The following SEC23A variants were observed in gnomAD, a reference collection of about 807,000 sequenced individuals.
SEC23A encodes protein transport protein Sec23A.
In SEC23A, 56 loss-of-function variants were observed where a neutral mutation model predicts 103.7. The observed-to-expected ratio is 0.54, with a 90% CI of 0.44 to 0.67. The LOEUF (loss-of-function observed/expected upper bound fraction) is 0.67. Among genes scored for constraint, SEC23A ranks in the 30% least tolerant of loss-of-function variants. The pLI is 0.00. For missense variants in SEC23A, 784 were observed against 936.4 expected (o/e 0.84, Z 2.12); for synonymous variants, 281 against 293.0 (o/e 0.96, Z 0.42).
chr14:39,056,217 A>T (rs1594449363), intron 13 of SEC23A, among the ~76,000 whole-genome samples: 2 of 152,334 alleles, frequency 1.3e-5, no homozygotes, highest in East Asian at 3.9e-4. Context: ...TTCAGGGCCC[A>T]GTCTTCGGAT....
intron 13 of SEC23A, among the ~76,000 whole-genome samples, chr14:39,059,300 A>AAAAAAAAAC (rs1566491577): frequency 0.011 from 1,152 of 100,766 alleles, 25 homozygotes; most frequent in South Asian, 0.016. Context: ...AAAAAAAAAA[A>AAAAAAAAAC]AAAAAAAAAA....
At chr14:39,087,447 CAA>C (rs1367302796) in intron 5 of SEC23A, 1 of 189,426 alleles carries the variant, frequency 5.3e-6, no homozygotes, top group African/African-American at 2.4e-5. Flanking sequence ...ATAAATTAAT[CAA>C]ATCAACAGAT....
At chr14:39,049,773 CTG>C (rs897475417) in intron 14 of SEC23A, among the ~76,000 whole-genome samples, 2 of 146,532 alleles carry the variant, frequency 1.4e-5, no homozygotes, top group African/African-American at 5.1e-5. Flanking sequence ...GAGCGAGATT[CTG>C]TCTCGAAAAA....
chr14:39,094,428 ATATATATATATATATTTTTTT>A lies in SEC23A; in HGVS notation c.222-1205_222-1185del, dbSNP rs1566515180. Among the ~76,000 whole-genome samples, 335 of 46,650 alleles carry A rather than the reference ATATATATATATATATTTTTTT, an allele frequency of 7.2e-3. 62 individuals carry two copies. The highest frequency in any genetic ancestry group is 0.051 in the African/African-American group (311 of 6,056). 30.6% of individuals were successfully genotyped at this position (46,650 alleles called of 152,430 possible). On this transcript the variant is annotated intron_variant, in intron 2 of 19. Transcript: ENST00000307712. The stretch of plus-strand genomic sequence containing the variant: ...TATATATATATATATATATATATAT[ATATATATATATATATTTTTTT>A]TTTTTTTTTTTCCCCTCCTGTAGAA...
chr14:39,048,669 A>C lies in SEC23A; in HGVS notation c.1720T>G (p.Phe574Val). The C allele has an allele frequency of 6.3e-7, 1 of 1,596,004 alleles. No individual in the cohort carries two copies. Among genetic ancestry groups the C allele is most frequent in the African/African-American group, 1.3e-5 (1 of 74,820 alleles). ...CTACTTACCTGTGGATAAAGGGAGA[A>C]AGTTTCTGAAAATCTGAAGGAACTT... ...DPSSFRFSETFSLYPQFMFHL... is the reference protein window; with the variant it reads ...DPSSFRFSETVSLYPQFMFHL... The change falls in exon 15 of 20, where the codon TTC becomes GTC. Residue 574 changes from phenylalanine to valine, a missense_variant. Phe to Val is a conservative substitution (Grantham distance 50). Coordinates refer to ENST00000307712, the MANE Select transcript of SEC23A (RefSeq NM_006364.4).
At chr14:39,039,436 A>G in intron 18 of SEC23A, 1 of 246,506 alleles carries the variant, frequency 4.1e-6, no homozygotes, top group Non-Finnish European at 7.7e-6. Context: ...CCAAATAATG[A>G]TAAAAACAAA....
rs1301399562 is a variant in SEC23A at position 39,085,687 on chromosome 14, TATACAC to T, written c.828+69_828+74del. 1.1e-3 allele frequency: 1,291 copies of T among 1,179,256 alleles called. 18 individuals carry two copies. The African/African-American group carries it at 0.022, about 20-fold the overall frequency. The allele number at this position is 1,179,256 out of a possible 1,614,324, so 73.0% of individuals were successfully genotyped here. ...GGTTCTTCTTATCCTTATAATTATATATACACACACACACACACACACACACACACA... is the reference window on the plus strand; with the variant it reads ...GGTTCTTCTTATCCTTATAATTATATACACACACACACACACACACACACA... On this transcript the variant is annotated intron_variant, in intron 7 of 19. Coordinates refer to ENST00000307712, the MANE Select transcript of SEC23A (RefSeq NM_006364.4).
At chr14:39,045,832 A>G (rs918378852) in intron 15 of SEC23A, among the ~76,000 whole-genome samples, 2 of 152,178 alleles carry the variant, frequency 1.3e-5, no homozygotes, top group African/African-American at 4.8e-5. Flanking sequence ...CATTACCAAC[A>G]CCAAAGATTC....
intron 14 of SEC23A, among the ~76,000 whole-genome samples, chr14:39,049,709 T>C (rs576010018): frequency 6.6e-6 from 1 of 151,700 alleles, no homozygotes; most frequent in South Asian, 2.1e-4. Flanking sequence ...GCCTAGGAGG[T>C]TGAGGCTACT....
At chr14:39,053,709 A>G (rs1274302411) in intron 14 of SEC23A, among the ~76,000 whole-genome samples, 2 of 152,202 alleles carry the variant, frequency 1.3e-5, no homozygotes, top group African/African-American at 2.4e-5. Flanking sequence ...CAACCACACA[A>G]AAGCCACTGG....
chr14:39,059,278 T>TAAAAAAAAAAAAAAAAAAAAA (rs750853379), intron 13 of SEC23A, among the ~76,000 whole-genome samples: 9 of 71,828 alleles, frequency 1.3e-4, no homozygotes, highest in African/African-American at 3.1e-4. Context: ...AGTCCTAGTT[T>TAAAAAAAAAAAAAAAAAAAAA]AAAAAAAAAA....
At position 39,082,625 on chromosome 14, in the gene SEC23A, A is replaced by G. The variant is rs181594381; in HGVS notation, c.828+3137T>C. 2.3e-3 allele frequency among the ~76,000 whole-genome samples: 339 copies of G among 150,510 alleles called. 3 individuals carry two copies. Among genetic ancestry groups the G allele is most frequent in the African/African-American group, 7.8e-3 (312 of 39,804 alleles). ...ATTTTGCAATGTTTATTAATTACAA[A>G]GGGGTAAAAAAAGAGTAATTTTAAA... On this transcript the variant is annotated intron_variant, in intron 7 of 19. Transcript: ENST00000307712.
At position 39,061,914 on chromosome 14, in the gene SEC23A, T is replaced by C. The variant is rs7156031; in HGVS notation, c.1399-43A>G. 2.0e-3 allele frequency: 2,459 copies of C among 1,248,220 alleles called. 29 individuals are homozygous for C. In the African/African-American group the frequency reaches 0.029, roughly 15 times the overall value. 77.3% of individuals were successfully genotyped at this position (1,248,220 alleles called of 1,614,324 possible). A position where few individuals can be genotyped will look rare whatever the true frequency, so the allele number is the denominator to read the frequency against. On this transcript the variant is annotated intron_variant, in intron 12 of 19. Transcript: ENST00000307712. The stretch of plus-strand genomic sequence containing the variant: ...AGTAAAACCTAAGCAAAATTTACTA[T>C]GCTGTTGTCATATAATCACAGGCTA...
At chr14:39,034,890 C>T (rs1370709742) in intron 19 of SEC23A, among the ~76,000 whole-genome samples, 1 of 152,074 alleles carries the variant, frequency 6.6e-6, no homozygotes, top group Non-Finnish European at 1.5e-5. Flanking sequence ...GCAGTGGTGC[C>T]CTCTTACGGC....
At chr14:39,080,991 G>C (rs1378177286) in intron 7 of SEC23A, among the ~76,000 whole-genome samples, 1 of 152,114 alleles carries the variant, frequency 6.6e-6, no homozygotes, top group Non-Finnish European at 1.5e-5. Flanking sequence ...GATCACTTGA[G>C]ACCAGGAGTT....
At chr14:39,045,079 T>C in intron 16 of SEC23A, 84 bp downstream of exon 16, 1 of 1,108,200 alleles carries the variant, frequency 9.0e-7, no homozygotes, top group South Asian at 1.3e-5. Flanking sequence ...TTAGTAACTA[T>C]ATGCATTTTT....
At chr14:39,101,451 C>G (rs1888091678) in intron 1 of SEC23A, among the ~76,000 whole-genome samples, 1 of 151,764 alleles carries the variant, frequency 6.6e-6, no homozygotes, top group African/African-American at 2.4e-5. Flanking sequence ...AACCCCGTCT[C>G]TACTGAAAAT....
Position 39,067,041 on chromosome 14 carries a change from C to T in SEC23A, c.1227+132G>A. The T allele has an allele frequency of 4.6e-6, 5 of 1,078,158 alleles. No homozygotes were observed. The South Asian group carries it at 6.5e-5, about 14-fold the overall frequency. The allele number at this position is 1,078,158 out of a possible 1,614,324, so 66.8% of individuals were successfully genotyped here. On this transcript the variant is annotated intron_variant, in intron 10 of 19. Transcript: ENST00000307712. Reference sequence around the variant, plus strand: ...CTTCTGGTGAAGAAAATCTCTAACTCAGGTTTCAATATAAAATAACCACAA... The same window carrying T: ...CTTCTGGTGAAGAAAATCTCTAACTTAGGTTTCAATATAAAATAACCACAA...
intron 14 of SEC23A, among the ~76,000 whole-genome samples, chr14:39,054,150 C>T (rs1210912197): frequency 6.6e-6 from 1 of 151,920 alleles, no homozygotes; most frequent in Non-Finnish European, 1.5e-5. Flanking sequence ...TGGTGTGTGC[C>T]TGTAGTCCCA....
Sources: gnomAD v4.1 joint callset for allele counts (sites outside exome capture counted in the v4.1 genomes callset) on GRCh38, gnomAD v4.1.1 for gene constraint, MANE v1.5 for transcripts, NCBI Gene and HGNC (gene_info 2026-07-23, HGNC 2026-07-21) for gene names.